The following RBFOX1 variants were observed in gnomAD, a reference collection of about 807,000 sequenced individuals.
RBFOX1 encodes the protein RNA binding protein fox-1 homolog 1.
Under a neutral mutation model 57.7 loss-of-function variants are expected in RBFOX1, and 8 were observed. The observed-to-expected ratio is 0.14, with a 90% CI of 0.08 to 0.25. The LOEUF (loss-of-function observed/expected upper bound fraction) is 0.25, where lower values mean the gene tolerates loss of function less well. RBFOX1 is among the 10% of genes least tolerant of loss of function. RBFOX1 has a pLI of 1.00. For missense variants in RBFOX1, 611 were observed against 548.5 expected, an observed-to-expected ratio of 1.11 and a Z score of -1.14; for synonymous variants, 326 against 222.4, an observed-to-expected ratio of 1.47 and a Z score of -4.15.
chr16:5,831,251 C>A (rs945466318), intron 3 of RBFOX1, among the ~76,000 whole-genome samples: 13 of 151,954 alleles, frequency 8.6e-5, no homozygotes, highest in Non-Finnish European at 1.8e-4. Flanking sequence ...TAACACTGTG[C>A]CCTTAGTGAT....
intron 3 of RBFOX1, among the ~76,000 whole-genome samples, chr16:5,857,516 A>G (rs973045811): frequency 6.6e-6 from 1 of 152,190 alleles, no homozygotes; most frequent in Non-Finnish European, 1.5e-5. Flanking sequence ...ATGAAGTGCA[A>G]TAAAATGACC....
chr16:6,262,569 A>G (rs2097707937), intron 1 of RBFOX1, among the ~76,000 whole-genome samples: 2 of 152,330 alleles, frequency 1.3e-5, no homozygotes, highest in South Asian at 2.1e-4. Context: ...TTTGCTGTCA[A>G]CTGGATTGCA....
intron 4 of RBFOX1, among the ~76,000 whole-genome samples, chr16:7,197,998 C>CTTTCTT (rs61556349): frequency 2.2e-4 from 12 of 55,598 alleles, no homozygotes; most frequent in African/African-American, 2.9e-4. Flanking sequence ...TTCTTTCTTT[C>CTTTCTT]TTTTTTTTTT....
chr16:6,579,586 G>A (rs1378232975), intron 2 of RBFOX1, among the ~76,000 whole-genome samples: 1 of 152,120 alleles, frequency 6.6e-6, no homozygotes, highest in Non-Finnish European at 1.5e-5. Context: ...CTGCTGCCAT[G>A]TGAAGAAAAG....
At chr16:5,719,304 C>G (rs2051840323) in intron 3 of RBFOX1, among the ~76,000 whole-genome samples, 1 of 151,268 alleles carries the variant, frequency 6.6e-6, no homozygotes, top group Admixed American at 6.6e-5. Context: ...CTGGTTCACG[C>G]CATTCTCCTG....
At chr16:7,272,452 G>T (rs2095342295) in intron 4 of RBFOX1, among the ~76,000 whole-genome samples, 1 of 152,168 alleles carries the variant, frequency 6.6e-6, no homozygotes, top group Non-Finnish European at 1.5e-5. Flanking sequence ...CCAAAAGGCT[G>T]GAATTACAGG....
At chr16:6,243,137 C>CGTGTGTGT (rs34797833) in intron 1 of RBFOX1, among the ~76,000 whole-genome samples, 12,346 of 150,338 alleles carry the variant, frequency 0.082, 558 homozygotes, top group Middle Eastern at 0.2. Context: ...GATATTTATA[C>CGTGTGTGT]GTGTGTCTGT....
At chr16:7,667,638 A>G (rs2069809444) in intron 13 of RBFOX1, among the ~76,000 whole-genome samples, 1 of 152,090 alleles carries the variant, frequency 6.6e-6, no homozygotes, top group South Asian at 2.1e-4. Flanking sequence ...CCCGGGATAT[A>G]TGTTAGACAC....
intron 3 of RBFOX1, among the ~76,000 whole-genome samples, chr16:6,752,601 C>G (rs975733426): frequency 6.6e-5 from 10 of 152,144 alleles, no homozygotes; most frequent in Admixed American, 6.5e-4. Context: ...CTTCTTTAAG[C>G]TTTTTATTAT....
At chr16:7,072,972 G>A (rs186668658) in intron 4 of RBFOX1, among the ~76,000 whole-genome samples, 177 of 152,322 alleles carry the variant, frequency 1.2e-3, no homozygotes, top group African/African-American at 4.0e-3. Flanking sequence ...CTGAGTTCTT[G>A]GCTGAGGAAT....
intron 3 of RBFOX1, among the ~76,000 whole-genome samples, chr16:5,662,013 C>T (rs991910673): frequency 6.6e-6 from 1 of 152,138 alleles, no homozygotes; most frequent in Admixed American, 6.6e-5. Flanking sequence ...GTCTCCATCT[C>T]CTGACGTCGT....
rs199881001 is a variant in RBFOX1, at chr16:5,727,214, G to A, written c.318+128253G>A. Among the ~76,000 whole-genome samples, 7 of 152,306 alleles carry A rather than the reference G, an allele frequency of 4.6e-5. No individual in the cohort carries two copies. In the East Asian group the frequency reaches 1.4e-3, roughly 29 times the overall value. On this transcript the variant is annotated intron_variant, in intron 3 of 19. Transcript: ENST00000641259. ...GTGAACCAGGGAGACAGAGGTGGCAGTGAGCCAAGATTGTGCCACTGCACT... is the reference window on the plus strand; with the variant it reads ...GTGAACCAGGGAGACAGAGGTGGCAATGAGCCAAGATTGTGCCACTGCACT...
chr16:6,231,645 T>A (rs2152904731), intron 1 of RBFOX1, among the ~76,000 whole-genome samples: 1 of 152,304 alleles, frequency 6.6e-6, no homozygotes, highest in South Asian at 2.1e-4. Flanking sequence ...GAAAAGAGTC[T>A]GAGGCCACTT....
At chr16:6,722,857 G>C (rs941768993) in intron 3 of RBFOX1, among the ~76,000 whole-genome samples, 2 of 152,202 alleles carry the variant, frequency 1.3e-5, no homozygotes, top group Admixed American at 6.5e-5. Flanking sequence ...TCCAAATGTA[G>C]CTTTGGCACA....
chr16:6,601,261 T>G (rs1290793316), intron 2 of RBFOX1, among the ~76,000 whole-genome samples: 1 of 152,296 alleles, frequency 6.6e-6, no homozygotes, highest in East Asian at 1.9e-4. Context: ...TAATTCCAAC[T>G]AGGGCTATAA....
chr16:6,359,847 A>G (rs2088108032), intron 2 of RBFOX1, among the ~76,000 whole-genome samples: 1 of 152,188 alleles, frequency 6.6e-6, no homozygotes, highest in African/African-American at 2.4e-5. Flanking sequence ...TGCCCTCAAA[A>G]CAACTTAATA....
chr16:6,127,709 G>T (rs900847719), intron 1 of RBFOX1, among the ~76,000 whole-genome samples: 1 of 152,128 alleles, frequency 6.6e-6, no homozygotes, highest in Non-Finnish European at 1.5e-5. Flanking sequence ...CCTAAGAAAG[G>T]TCACACCATT....
At chr16:7,220,305 C>G (rs905553911) in intron 4 of RBFOX1, among the ~76,000 whole-genome samples, 1 of 152,192 alleles carries the variant, frequency 6.6e-6, no homozygotes, top group Non-Finnish European at 1.5e-5. Context: ...GACATTTCAT[C>G]ATGCTGAGTG....
chr16:7,182,808 C>G (rs571931832), intron 4 of RBFOX1, among the ~76,000 whole-genome samples: 19 of 152,154 alleles, frequency 1.2e-4, no homozygotes, highest in Admixed American at 6.5e-4. Flanking sequence ...CTTAGAAATG[C>G]CTTCCCTTAA....
Sources: allele counts gnomAD v4.1 joint callset (sites outside exome capture counted in the v4.1 genomes callset), GRCh38; gene constraint gnomAD v4.1.1; transcripts MANE v1.5; gene names NCBI Gene and HGNC (gene_info 2026-07-23, HGNC 2026-07-21).